The following TFEC variants were observed in gnomAD, a reference collection of about 807,000 sequenced individuals.
TFEC encodes the protein class E basic helix-loop-helix protein 34.
TFEC carries 31 observed loss-of-function variants against 41.6 expected under a neutral mutation model. That is an observed-to-expected ratio of 0.74 (90% confidence interval 0.56 to 1.01). TFEC has a LOEUF of 1.01. Ranked by LOEUF, TFEC falls within the 50% of genes least tolerant of loss-of-function variation. TFEC has a pLI of 0.00. For synonymous variants in TFEC, 143 were observed against 140.6 expected, an observed-to-expected ratio of 1.02 and a Z score of -0.12; for missense variants, 402 against 404.1, an observed-to-expected ratio of 0.99 and a Z score of 0.04.
chr7:116,037,846 G>T lies in TFEC; in HGVS notation c.199-53333C>A, dbSNP rs970677199. On this transcript the variant is annotated intron_variant, in intron 3 of 8. Transcript: ENST00000484212. ...CTGCATGAGGTTTTACTCTACCAAA[G>T]TTATTATGTCCTTAACAAGAAGCAT... 2.6e-5 allele frequency among the ~76,000 whole-genome samples: 4 copies of T among 152,074 alleles called. No individual in the cohort carries two copies. The South Asian group carries it at 8.3e-4, about 32-fold the overall frequency.
chr7:116,157,739 C>T (rs189726004), intron 1 of TFEC, among the ~76,000 whole-genome samples: 1 of 152,238 alleles, frequency 6.6e-6, no homozygotes, highest in East Asian at 1.9e-4. Flanking sequence ...AAAGCCTTCC[C>T]TAGGCATCCC....
chr7:116,055,663 AT>A (rs1296048047), intron 3 of TFEC, among the ~76,000 whole-genome samples: 1 of 152,006 alleles, frequency 6.6e-6, no homozygotes, highest in Non-Finnish European at 1.5e-5. Context: ...ATAAAATGAT[AT>A]TTCAAAGTAA....
chr7:116,008,015 C>G (rs965958570), intron 1 of TFEC, among the ~76,000 whole-genome samples: 1 of 152,194 alleles, frequency 6.6e-6, no homozygotes, highest in African/African-American at 2.4e-5. Flanking sequence ...CTCCAGAAAG[C>G]AGGGCTGTGA....
In TFEC at chr7:115,938,361, ATCAAC is replaced by A. The variant is rs1163867710; in HGVS notation, c.*2185_*2189del. On this transcript the variant is annotated 3_prime_UTR_variant, in exon 8 of 8. Transcript: ENST00000265440. ...ATAATTTTTAACATTTAATCAAATT[ATCAAC>A]TCAGATAATGAAGTGGAATTTTGTT... 6.6e-6 allele frequency: 1 copy of A among 152,006 alleles called. No individual in the cohort carries two copies. Among genetic ancestry groups the A allele is most frequent in the Non-Finnish European group, 1.5e-5 (1 of 67,912 alleles). The allele number at this position is 152,006 out of a possible 1,614,324, so 9.4% of individuals were successfully genotyped here. A position where few individuals can be genotyped will look rare whatever the true frequency, so the allele number is the denominator to read the frequency against.
intron 3 of TFEC, chr7:115,968,036 G>T: frequency 1.4e-6 from 1 of 703,886 alleles, no homozygotes; most frequent in Non-Finnish European, 2.1e-6. Context: ...AAGCATGCTT[G>T]TCAATACAGC....
At chr7:115,972,779 T>A (rs945335622) in intron 3 of TFEC, among the ~76,000 whole-genome samples, 1 of 152,096 alleles carries the variant, frequency 6.6e-6, no homozygotes, top group African/African-American at 2.4e-5. Flanking sequence ...ACCAATTTTT[T>A]ACTGAGTAAA....
intron 3 of TFEC, among the ~76,000 whole-genome samples, chr7:116,045,112 G>A (rs1796132920): frequency 6.6e-6 from 1 of 152,178 alleles, no homozygotes; most frequent in African/African-American, 2.4e-5. Context: ...CAGTTTAGAG[G>A]GCTCAGAAGA....
chr7:115,993,543 A>G (rs1794220494), intron 1 of TFEC, among the ~76,000 whole-genome samples: 1 of 152,240 alleles, frequency 6.6e-6, no homozygotes, highest in South Asian at 2.1e-4. Context: ...AAAAATCACA[A>G]GCATTCTTAT....
At chr7:116,149,404 T>G (rs976675646) in intron 1 of TFEC, among the ~76,000 whole-genome samples, 3 of 152,094 alleles carry the variant, frequency 2.0e-5, no homozygotes, top group African/African-American at 7.2e-5. Context: ...CTATTAGAAC[T>G]GAATCAAGTA....
intron 1 of TFEC, among the ~76,000 whole-genome samples, chr7:116,124,189 T>C (rs1178170584): frequency 6.6e-6 from 1 of 152,092 alleles, no homozygotes; most frequent in East Asian, 1.9e-4. Flanking sequence ...AAACATATAG[T>C]ATAATATAAC....
chr7:116,046,796 G>A (rs73220430), intron 3 of TFEC, among the ~76,000 whole-genome samples: 15,037 of 152,104 alleles, frequency 0.099, 814 homozygotes, highest in African/African-American at 0.13. Context: ...TTTTGTTTCA[G>A]AAAGATGTAT....
At chr7:115,987,951 G>A (rs1403812825) in intron 1 of TFEC, among the ~76,000 whole-genome samples, 1 of 152,058 alleles carries the variant, frequency 6.6e-6, no homozygotes, top group Non-Finnish European at 1.5e-5. Flanking sequence ...TTCTCAAAGA[G>A]ATAAGACCAT....
intron 1 of TFEC, among the ~76,000 whole-genome samples, chr7:116,013,921 A>C (rs933548000): frequency 2.6e-5 from 4 of 152,086 alleles, no homozygotes; most frequent in African/African-American, 9.7e-5. Context: ...TAGGTTCTTC[A>C]TACAGTACAG....
intron 1 of TFEC, among the ~76,000 whole-genome samples, chr7:116,007,111 T>A (rs181340908): frequency 6.6e-6 from 1 of 152,234 alleles, no homozygotes; most frequent in Non-Finnish European, 1.5e-5. Flanking sequence ...AAAATGTATG[T>A]ATCTACGGTT....
chr7:116,141,643 G>A (rs530297688), intron 1 of TFEC, among the ~76,000 whole-genome samples: 1 of 152,202 alleles, frequency 6.6e-6, no homozygotes, highest in Non-Finnish European at 1.5e-5. Context: ...GTCAAAGTTA[G>A]ATGTATTATT....
chr7:116,155,978 ATTG>A (rs2116491350), intron 1 of TFEC, among the ~76,000 whole-genome samples: 1 of 152,262 alleles, frequency 6.6e-6, no homozygotes, highest in African/African-American at 2.4e-5. Context: ...TTTAAAAAAT[ATTG>A]CATTAATATA....
Position 116,093,285 on chromosome 7 carries a change from C to T in TFEC, c.198+17423G>A, listed in dbSNP as rs78242825. Among the ~76,000 whole-genome samples the T allele has an allele frequency of 6.0e-3, 910 of 152,076 alleles. 8 individuals carry two copies. The highest frequency in any genetic ancestry group is 0.021 in the African/African-American group (856 of 41,476). The stretch of plus-strand genomic sequence containing the variant: ...AAACCAAAAGAAAAATCTACAGGTA[C>T]AATTCTTAGATGAGCCCTTTATTTT... On this transcript the variant is annotated intron_variant, in intron 3 of 8. Coordinates refer to the TFEC transcript ENST00000484212.
intron 2 of TFEC, among the ~76,000 whole-genome samples, chr7:115,981,006 G>A (rs1793607160): frequency 6.6e-6 from 1 of 152,056 alleles, no homozygotes; most frequent in Admixed American, 6.6e-5. Flanking sequence ...CTCTCATTTA[G>A]TTAAATCATG....
chr7:116,142,234 T>C (rs1798555062), intron 1 of TFEC, among the ~76,000 whole-genome samples: 1 of 152,184 alleles, frequency 6.6e-6, no homozygotes, highest in Non-Finnish European at 1.5e-5. Flanking sequence ...CCCAAACAAT[T>C]AGATTTACTA....
Sources: allele counts gnomAD v4.1 joint callset (sites outside exome capture counted in the v4.1 genomes callset), GRCh38; gene constraint gnomAD v4.1.1; transcripts MANE v1.5; gene names NCBI Gene and HGNC (gene_info 2026-07-23, HGNC 2026-07-21).